Variants in ANTXR1 observed in about 807,000 individuals in gnomAD.
ANTXR1 encodes the protein anthrax toxin receptor 1.
Under a neutral mutation model 78.1 loss-of-function variants are expected in ANTXR1, and 19 were observed. The observed-to-expected ratio is 0.24, with a 90% CI of 0.17 to 0.36. The LOEUF (loss-of-function observed/expected upper bound fraction) is 0.36, where lower values mean the gene tolerates loss of function less well. Ranked by LOEUF, ANTXR1 falls within the 10% of genes least tolerant of loss-of-function variation. The probability of loss-of-function intolerance (pLI) is 1.00; values close to 1 mark genes in which losing one functional copy is unlikely to be tolerated. For synonymous variants in ANTXR1, 273 were observed against 260.5 expected (o/e 1.05, Z -0.46); for missense variants, 518 against 718.6 (o/e 0.72, Z 3.19).
chr2:69,025,004 C>T (rs1018577555), intron 1 of ANTXR1, among the ~76,000 whole-genome samples: 2 of 152,154 alleles, frequency 1.3e-5, no homozygotes, highest in African/African-American at 4.8e-5. Context: ...TTGCTCAGGT[C>T]ACTATGCATT....
intron 9 of ANTXR1, among the ~76,000 whole-genome samples, chr2:69,098,274 G>T (rs1671497503): frequency 1.3e-5 from 2 of 152,316 alleles, no homozygotes; most frequent in South Asian, 4.1e-4. Flanking sequence ...TAAATTAAAA[G>T]CTATAACTGA....
At chr2:69,056,784 A>G (rs1186369364) in intron 3 of ANTXR1, among the ~76,000 whole-genome samples, 1 of 152,088 alleles carries the variant, frequency 6.6e-6, no homozygotes, top group Non-Finnish European at 1.5e-5. Flanking sequence ...AGCAATTCTC[A>G]TGCCTCAGCC....
chr2:69,058,041 G>T (rs1670116614), intron 3 of ANTXR1, among the ~76,000 whole-genome samples: 1 of 152,174 alleles, frequency 6.6e-6, no homozygotes, highest in Admixed American at 6.5e-5. Context: ...AGAGAGGGGA[G>T]GAAGCTGCAG....
At chr2:69,241,802 C>T (rs971375583) in intron 17 of ANTXR1, among the ~76,000 whole-genome samples, 2 of 152,148 alleles carry the variant, frequency 1.3e-5, no homozygotes, top group Admixed American at 1.3e-4. Context: ...GTCTGCGCAT[C>T]CCCACCTGCA....
intron 12 of ANTXR1, chr2:69,146,404 T>G: frequency 3.1e-6 from 3 of 978,674 alleles, no homozygotes; most frequent in Non-Finnish European, 2.4e-6. Flanking sequence ...AGAATTGGAC[T>G]TGGGTTGATA....
intron 12 of ANTXR1, among the ~76,000 whole-genome samples, chr2:69,149,406 CCTT>C (rs1223542589): frequency 1.1e-4 from 17 of 152,202 alleles, no homozygotes; most frequent in African/African-American, 4.1e-4. Context: ...TGCACCAAGT[CCTT>C]CATTCTCGCT....
Position 69,246,939 on chromosome 2 carries a change from T to C in ANTXR1, c.*1454T>C, listed in dbSNP as rs1676035285. On this transcript the variant is annotated 3_prime_UTR_variant, in exon 18 of 18. Coordinates refer to ENST00000303714, the MANE Select transcript of ANTXR1 (RefSeq NM_032208.3). ...AGATCTTTTCTGGAACAAGGCAGAA[T>C]ATAAAATAAATATACATTTAGTGGC... 2 of 152,232 alleles carry C rather than the reference T, an allele frequency of 1.3e-5. No individual in the cohort carries two copies. The highest frequency in any genetic ancestry group is 4.1e-4 in the South Asian group (2 of 4,832). The allele number at this position is 152,232 out of a possible 1,614,324, so 9.4% of individuals were successfully genotyped here.
chr2:69,119,269 G>T lies in ANTXR1; in HGVS notation c.803-3748G>T, dbSNP rs60946794. Among the ~76,000 whole-genome samples, 1,004 of 152,264 alleles carry T rather than the reference G, an allele frequency of 6.6e-3. 11 individuals are homozygous for T. The highest frequency in any genetic ancestry group is 0.023 in the African/African-American group (961 of 41,564). ...CTCCCTGGCTGTGGCGCTGCAGTGCGCTGCCTCGGATGCTCTCCTCGGCGT... is the reference window on the plus strand; with the variant it reads ...CTCCCTGGCTGTGGCGCTGCAGTGCTCTGCCTCGGATGCTCTCCTCGGCGT... On this transcript the variant is annotated intron_variant, in intron 10 of 17. Coordinates refer to ENST00000303714, the MANE Select transcript of ANTXR1 (RefSeq NM_032208.3).
chr2:69,127,197 T>C (rs956345250), intron 12 of ANTXR1, among the ~76,000 whole-genome samples: 2 of 152,162 alleles, frequency 1.3e-5, no homozygotes, highest in African/African-American at 2.4e-5. Flanking sequence ...AGTGAGAGGA[T>C]TTCCTACTAC....
intron 1 of ANTXR1, among the ~76,000 whole-genome samples, chr2:69,017,867 A>G (rs1031436676): frequency 1.2e-4 from 19 of 152,020 alleles, no homozygotes; most frequent in African/African-American, 4.6e-4. Flanking sequence ...CATTTGACCA[A>G]CCCACAGACA....
intron 17 of ANTXR1, among the ~76,000 whole-genome samples, chr2:69,244,073 T>C (rs1426163880): frequency 6.6e-6 from 1 of 152,132 alleles, no homozygotes; most frequent in Admixed American, 6.5e-5. Flanking sequence ...CAGAGCTGAG[T>C]GTTGCACAGA....
chr2:69,020,965 A>T (rs1667067661), intron 1 of ANTXR1, among the ~76,000 whole-genome samples: 2 of 152,230 alleles, frequency 1.3e-5, no homozygotes, highest in Non-Finnish European at 2.9e-5. Context: ...AAACAGGAAG[A>T]AGTCCCAGGC....
At chr2:69,243,708 G>C (rs1219154680) in intron 17 of ANTXR1, among the ~76,000 whole-genome samples, 2 of 152,080 alleles carry the variant, frequency 1.3e-5, no homozygotes, top group Non-Finnish European at 2.9e-5. Flanking sequence ...TCCCTAAAAG[G>C]CCTGGAAAGG....
At chr2:69,025,567 G>A (rs1671316000) in intron 1 of ANTXR1, among the ~76,000 whole-genome samples, 2 of 152,138 alleles carry the variant, frequency 1.3e-5, no homozygotes, top group African/African-American at 2.4e-5. Context: ...CGCTCTTGAC[G>A]TTAAAAATAA....
intron 1 of ANTXR1, among the ~76,000 whole-genome samples, chr2:69,028,253 C>T (rs1671412092): frequency 6.6e-6 from 1 of 152,078 alleles, no homozygotes; most frequent in Non-Finnish European, 1.5e-5. Context: ...AAGTGATAAT[C>T]TCAATTAATT....
chr2:69,124,642 G>A lies in ANTXR1; in HGVS notation c.950G>A (p.Cys317Tyr). The change falls in exon 12 of 18, where the codon TGT (cysteine) becomes TAT (tyrosine). Residue 317 changes from cysteine (C) to tyrosine (Y), a missense_variant and splice_region_variant. Cys to Tyr is a radical substitution (Grantham distance 194). This residue lies in a region of ANTXR1 where 264 missense variants were observed against 391.8 expected (regional missense o/e 0.67). Coordinates refer to ENST00000303714, the MANE Select transcript of ANTXR1 (RefSeq NM_032208.3). ...SSSVIITTTH[C>Y]SDGSILAIAL... ...TCTGTCATCATCACCACCACACACT[G>A]TGTAAGTCATAACCTTTCCCTTTAC... is the stretch of plus-strand genomic sequence containing the variant. 1 of 1,614,066 alleles carries A rather than the reference G, an allele frequency of 6.2e-7. No homozygotes were observed. The highest frequency in any genetic ancestry group is 1.1e-5 in the South Asian group (1 of 91,078).
intron 8 of ANTXR1, among the ~76,000 whole-genome samples, chr2:69,088,122 G>A (rs1044946522): frequency 1.7e-4 from 26 of 152,180 alleles, no homozygotes; most frequent in Non-Finnish European, 5.9e-5. Flanking sequence ...AGATTTATCA[G>A]CTAATTGCAG....
intron 3 of ANTXR1, among the ~76,000 whole-genome samples, chr2:69,062,528 C>T (rs928005567): frequency 3.3e-5 from 5 of 152,196 alleles, no homozygotes; most frequent in African/African-American, 1.2e-4. Context: ...CCAGCCCAAG[C>T]TCACCCTGAC....
At chr2:69,139,883 C>A (rs1210002295) in intron 12 of ANTXR1, among the ~76,000 whole-genome samples, 1 of 152,166 alleles carries the variant, frequency 6.6e-6, no homozygotes, top group Non-Finnish European at 1.5e-5. Context: ...GAGACACCAG[C>A]CTTTCTCTTC....
Sources: allele counts gnomAD v4.1 joint callset (sites outside exome capture counted in the v4.1 genomes callset), GRCh38; gene constraint gnomAD v4.1.1; regional missense constraint gnomAD v4.1.1; transcripts MANE v1.5; gene names NCBI Gene and HGNC (gene_info 2026-07-23, HGNC 2026-07-21).